HIRA: variants seen among roughly 807,000 people sequenced by gnomAD.
HIRA encodes the protein histone cell cycle regulator.
HIRA carries 13 observed loss-of-function variants against 126.6 expected under a neutral mutation model. The observed-to-expected ratio is 0.10, with a 90% CI of 0.07 to 0.16. The LOEUF (loss-of-function observed/expected upper bound fraction) is 0.16, where lower values mean the gene tolerates loss of function less well. HIRA is among the 10% of genes least tolerant of loss of function. HIRA has a pLI of 1.00. For missense variants in HIRA, 834 were observed against 1,314.4 expected, an observed-to-expected ratio of 0.63 and a Z score of 5.65; for synonymous variants, 511 against 520.0, an observed-to-expected ratio of 0.98 and a Z score of 0.24.
At chr22:19,392,640 C>T (rs544133311) in intron 8 of HIRA, among the ~76,000 whole-genome samples, 80 of 152,308 alleles carry the variant, frequency 5.3e-4, no homozygotes, top group African/African-American at 1.9e-3. Context: ...CTAAGGGAGG[C>T]CAAGGGGATG....
chr22:19,425,800 G>A (rs1601865134), intron 1 of HIRA, among the ~76,000 whole-genome samples: 1 of 152,108 alleles, frequency 6.6e-6, no homozygotes, highest in South Asian at 2.1e-4. Flanking sequence ...CCAGGCCAAC[G>A]TGGCGAAAAT....
chr22:19,390,811 G>A (rs1230198717), intron 9 of HIRA, among the ~76,000 whole-genome samples: 2 of 151,968 alleles, frequency 1.3e-5, no homozygotes, highest in African/African-American at 4.8e-5. Flanking sequence ...GAGTGGAAGT[G>A]CTCTAGGTCA....
At chr22:19,338,735 A>C (rs542406854) in intron 24 of HIRA, among the ~76,000 whole-genome samples, 12 of 152,374 alleles carry the variant, frequency 7.9e-5, no homozygotes, top group Non-Finnish European at 1.8e-4. Context: ...ACATTACATA[A>C]TGATAAAAGG....
chr22:19,348,710 T>C (rs5993609), intron 24 of HIRA, among the ~76,000 whole-genome samples: 2 of 152,302 alleles, frequency 1.3e-5, no homozygotes, highest in African/African-American at 4.8e-5. Flanking sequence ...TTGGCCAGGC[T>C]GGTCTCAAAC....
At chr22:19,342,197 A>C in intron 24 of HIRA, among the ~76,000 whole-genome samples, 1 of 152,210 alleles carries the variant, frequency 6.6e-6, no homozygotes, top group Non-Finnish European at 1.5e-5. Context: ...AAACATATGA[A>C]AAAAATGCTC....
chr22:19,422,203 T>TACACAA (rs750767143), intron 1 of HIRA, among the ~76,000 whole-genome samples: 1 of 55,910 alleles, frequency 1.8e-5, no homozygotes, highest in Admixed American at 2.0e-4. Context: ...CATACACATA[T>TACACAA]ATATATATAC....
At chr22:19,369,271 GCTA>G (rs1293535687) in intron 15 of HIRA, among the ~76,000 whole-genome samples, 2 of 152,154 alleles carry the variant, frequency 1.3e-5, no homozygotes, top group Non-Finnish European at 2.9e-5. Flanking sequence ...TACCTGGGAT[GCTA>G]GCATTTGGCT....
intron 17 of HIRA, among the ~76,000 whole-genome samples, chr22:19,360,945 C>A (rs1391093647): frequency 2.0e-5 from 3 of 152,174 alleles, no homozygotes; most frequent in Non-Finnish European, 2.9e-5. Flanking sequence ...CCAGCCAGGA[C>A]ACCTGAGAGG....
At position 19,351,844 on chromosome 22, in the gene HIRA, A is replaced by T. The variant is rs1250307609; in HGVS notation, c.2849-398T>A. ...GTTGAGGGGAGGTCAGGAGGGTGGG[A>T]CGGCCAGCCCGCAGGAGGTAAGAGA... On this transcript the variant is annotated intron_variant, in intron 23 of 24. Transcript: ENST00000263208. This position sits in a 1 kb window ranked among gnomAD's most constrained non-coding sequence, Gnocchi z 4.8. 6.6e-6 allele frequency among the ~76,000 whole-genome samples: 1 copy of T among 152,024 alleles called. No homozygotes were observed. Among genetic ancestry groups the T allele is most frequent in the Non-Finnish European group, 1.5e-5 (1 of 67,992 alleles).
intron 15 of HIRA, among the ~76,000 whole-genome samples, chr22:19,374,849 G>T (rs2089002812): frequency 6.6e-6 from 1 of 152,160 alleles, no homozygotes; most frequent in Non-Finnish European, 1.5e-5. Context: ...CTCGCAGTGG[G>T]GTGCAACTCT....
At chr22:19,388,815 T>C (rs777445539) in intron 9 of HIRA, among the ~76,000 whole-genome samples, 1 of 152,132 alleles carries the variant, frequency 6.6e-6, no homozygotes. Flanking sequence ...TATACACAGA[T>C]AACTAGCAAC....
At chr22:19,391,076 A>G (rs894080728) in intron 9 of HIRA, among the ~76,000 whole-genome samples, 16 of 152,154 alleles carry the variant, frequency 1.1e-4, no homozygotes, top group Non-Finnish European at 4.4e-5. Flanking sequence ...TAATATCTCA[A>G]AACTGGAACA....
chr22:19,417,513 T>A lies in HIRA; in HGVS notation c.38-6735A>T, dbSNP rs1328531533. ...AGCGTGTGCCTGTAGTCCCAGCTAC[T>A]CGGGAGGCTGAGGCAGGAGAATCAC... On this transcript the variant is annotated intron_variant, in intron 1 of 24. Transcript: ENST00000263208. Among the ~76,000 whole-genome samples, 9 of 152,040 alleles carry A rather than the reference T, an allele frequency of 5.9e-5. No homozygotes were observed. The East Asian group carries it at 1.8e-3, about 30-fold the overall frequency.
chr22:19,343,544 C>CA (rs1177387406), intron 24 of HIRA, among the ~76,000 whole-genome samples: 1 of 152,138 alleles, frequency 6.6e-6, no homozygotes, highest in Non-Finnish European at 1.5e-5. Context: ...GCCTGGGTGG[C>CA]AGAGTCAGAC....
chr22:19,394,037 C>G (rs1429066906), intron 8 of HIRA, among the ~76,000 whole-genome samples: 1 of 152,134 alleles, frequency 6.6e-6, no homozygotes, highest in African/African-American at 2.4e-5. Flanking sequence ...GGGACAAGCA[C>G]AGTGCTTGGT....
Position 19,405,856 on chromosome 22 carries a change from G to C in HIRA, c.327C>G (p.Phe109Leu). The C allele has an allele frequency of 6.6e-7, 1 of 1,506,002 alleles. No individual in the cohort carries two copies. The highest frequency in any genetic ancestry group is 8.9e-7 in the Non-Finnish European group (1 of 1,120,658). The allele number at this position is 1,506,002 out of a possible 1,614,324, so 93.3% of individuals were successfully genotyped here. The change falls in exon 5 of 25, where the codon TTC (phenylalanine) becomes TTG (leucine). Residue 109 changes from phenylalanine to leucine, a missense_variant. By Grantham distance (22) the Phe-to-Leu change is conservative. This residue lies in a region of HIRA where 102 missense variants were observed against 191.4 expected (regional missense o/e 0.53). Coordinates refer to ENST00000263208, the MANE Select transcript of HIRA (RefSeq NM_003325.4). ...RATYIGPSTV[F>L]GSSGKLANVE... ...CATTGGCAAGCTTACCACTGGAGCC[G>C]AACACGGTGCTGGGGCCGATGTACC...
chr22:19,371,195 G>A (rs965915462), intron 15 of HIRA, among the ~76,000 whole-genome samples: 1 of 152,088 alleles, frequency 6.6e-6, no homozygotes, highest in African/African-American at 2.4e-5. Context: ...TCACCTTCTG[G>A]TAAGCCTCTT....
At chr22:19,365,928 T>C (rs1359648426) in intron 15 of HIRA, 1 of 152,176 alleles carries the variant, frequency 6.6e-6, no homozygotes, top group Non-Finnish European at 1.5e-5. Flanking sequence ...TAAGGAGAGG[T>C]GAACTGCCCA....
At chr22:19,418,273 A>G (rs1418082973) in intron 1 of HIRA, among the ~76,000 whole-genome samples, 1 of 152,166 alleles carries the variant, frequency 6.6e-6, no homozygotes, top group East Asian at 1.9e-4. Context: ...AAAACCAAAC[A>G]AAACCAAAAA....
Sources: gnomAD v4.1 joint callset for allele counts (sites outside exome capture counted in the v4.1 genomes callset) on GRCh38, gnomAD v4.1.1 for gene constraint, gnomAD v4.1.1 regional missense constraint, Gnocchi (gnomAD v3.1) non-coding constraint, MANE v1.5 for transcripts, NCBI Gene and HGNC (gene_info 2026-07-23, HGNC 2026-07-21) for gene names.